CFAP54: variants seen among roughly 807,000 people sequenced by gnomAD.
CFAP54 encodes the protein cilia and flagella associated protein 54, also known as cilia- and flagella-associated protein 54.
Under a neutral mutation model 370.4 loss-of-function variants are expected in CFAP54, and 290 were observed. The ratio of observed to expected loss-of-function variants is 0.78; its 90% CI spans 0.71 to 0.86. The LOEUF (loss-of-function observed/expected upper bound fraction) is 0.86. Ranked by LOEUF, CFAP54 falls within the 40% of genes least tolerant of loss-of-function variation. The pLI is 0.00. For missense variants in CFAP54, 3,399 were observed against 3,528.7 expected (o/e 0.96, Z 0.93); for synonymous variants, 1,206 against 1,236.5 (o/e 0.98, Z 0.52).
intron 49 of CFAP54, among the ~76,000 whole-genome samples, chr12:96,718,952 C>T (rs113739012): frequency 1.3e-5 from 2 of 151,818 alleles, no homozygotes; most frequent in African/African-American, 2.4e-5. Context: ...GCAGGAGAAT[C>T]GCTTGAACCC....
At chr12:96,549,682 C>T (rs1955675044) in intron 15 of CFAP54, among the ~76,000 whole-genome samples, 1 of 152,088 alleles carries the variant, frequency 6.6e-6, no homozygotes, top group African/African-American at 2.4e-5. Context: ...TATAAGTGTC[C>T]TCATCTGGAA....
chr12:96,851,765 C>A (rs1307168239), intron 66 of CFAP54, among the ~76,000 whole-genome samples: 1 of 151,994 alleles, frequency 6.6e-6, no homozygotes, highest in Non-Finnish European at 1.5e-5. Context: ...GACAACTTTT[C>A]TATACTATTC....
intron 56 of CFAP54, among the ~76,000 whole-genome samples, chr12:96,755,660 T>G (rs996170662): frequency 3.3e-4 from 18 of 53,794 alleles, no homozygotes; most frequent in African/African-American, 2.1e-3. Context: ...TTTCTTTTCT[T>G]TTTTCCTTTT....
chr12:96,850,203 A>G (rs1959496977), intron 66 of CFAP54, among the ~76,000 whole-genome samples: 1 of 144,368 alleles, frequency 6.9e-6, no homozygotes, highest in Admixed American at 7.0e-5. Context: ...ACATGGTGAA[A>G]CCCTGTCTCT....
At chr12:96,538,823 C>G (rs1317355966) in intron 13 of CFAP54, among the ~76,000 whole-genome samples, 1 of 151,576 alleles carries the variant, frequency 6.6e-6, no homozygotes, top group Non-Finnish European at 1.5e-5. Flanking sequence ...ATGATCTTGG[C>G]TCACTGCAAC....
At chr12:96,567,330 T>G (rs993813637) in intron 19 of CFAP54, among the ~76,000 whole-genome samples, 10 of 152,160 alleles carry the variant, frequency 6.6e-5, no homozygotes, top group African/African-American at 2.4e-4. Flanking sequence ...TCATAAGAAG[T>G]ATTTTTCGCC....
chr12:96,675,668 G>A (rs1219844514), intron 39 of CFAP54, among the ~76,000 whole-genome samples: 1 of 152,150 alleles, frequency 6.6e-6, no homozygotes, highest in African/African-American at 2.4e-5. Flanking sequence ...ATTCACAATA[G>A]CAAAGACTTG....
At chr12:96,611,280 C>G (rs1310049479) in intron 26 of CFAP54, among the ~76,000 whole-genome samples, 1 of 152,250 alleles carries the variant, frequency 6.6e-6, no homozygotes, top group African/African-American at 2.4e-5. Flanking sequence ...CAAACAGCGT[C>G]TGGAGTGGAC....
At chr12:96,616,528 G>GA (rs375273634) in intron 26 of CFAP54, among the ~76,000 whole-genome samples, 1 of 151,966 alleles carries the variant, frequency 6.6e-6, no homozygotes, top group Non-Finnish European at 1.5e-5. Flanking sequence ...AAGATAAACA[G>GA]AAAAAGATAA....
chr12:96,842,477 G>A (rs183881783), intron 66 of CFAP54, among the ~76,000 whole-genome samples: 6 of 152,100 alleles, frequency 3.9e-5, no homozygotes, highest in Admixed American at 3.9e-4. Flanking sequence ...CTCCATATTG[G>A]CAGTTTTGTC....
intron 26 of CFAP54, among the ~76,000 whole-genome samples, chr12:96,616,730 A>G (rs1236419091): frequency 6.6e-6 from 1 of 152,200 alleles, no homozygotes; most frequent in Non-Finnish European, 1.5e-5. Flanking sequence ...TTTATCATGG[A>G]GGATATAATG....
intron 17 of CFAP54, among the ~76,000 whole-genome samples, chr12:96,563,359 A>G (rs1253256651): frequency 6.6e-6 from 1 of 152,158 alleles, no homozygotes; most frequent in Admixed American, 6.6e-5. Flanking sequence ...TTTCTTTAGC[A>G]TGCTGTTGCC....
At chr12:96,506,589 C>CTTTT (rs71068809) in intron 3 of CFAP54, among the ~76,000 whole-genome samples, 2 of 130,888 alleles carry the variant, frequency 1.5e-5, no homozygotes, top group African/African-American at 2.9e-5. Context: ...CTTTTCTTTT[C>CTTTT]TTTTTTTTTT....
At chr12:96,551,342 G>T (rs1955691902) in intron 15 of CFAP54, among the ~76,000 whole-genome samples, 1 of 152,166 alleles carries the variant, frequency 6.6e-6, no homozygotes, top group African/African-American at 2.4e-5. Flanking sequence ...AACTTGGGTA[G>T]TGAGAAGAGG....
intron 26 of CFAP54, among the ~76,000 whole-genome samples, chr12:96,608,217 T>G (rs1031306701): frequency 1.3e-5 from 2 of 152,068 alleles, no homozygotes; most frequent in African/African-American, 2.4e-5. Flanking sequence ...AACCTTGACC[T>G]AAAACTTCCA....
At position 96,718,580 on chromosome 12, in the gene CFAP54, C is replaced by A. The variant is rs1193167520; in HGVS notation, c.6804+58C>A. On this transcript the variant is annotated intron_variant, in intron 49 of 67. Transcript: ENST00000524981. Reference sequence around the variant, plus strand: ...TAGTTACCAAAAATCCACTATTAGGCCCTGGATGGGCCTGCTTTCAGAGTT... The same window carrying A: ...TAGTTACCAAAAATCCACTATTAGGACCTGGATGGGCCTGCTTTCAGAGTT... The A allele has an allele frequency of 3.9e-6, 4 of 1,026,414 alleles. No homozygotes were observed. In the African/African-American group the frequency reaches 4.8e-5, roughly 12 times the overall value. The allele number at this position is 1,026,414 out of a possible 1,614,324, so 63.6% of individuals were successfully genotyped here. A position where few individuals can be genotyped will look rare whatever the true frequency, so the allele number is the denominator to read the frequency against.
chr12:96,856,189 C>T (rs930884534), intron 66 of CFAP54, among the ~76,000 whole-genome samples: 12 of 152,152 alleles, frequency 7.9e-5, no homozygotes, highest in African/African-American at 2.2e-4. Flanking sequence ...ATCCTGGACC[C>T]GGCCCCTGAA....
intron 19 of CFAP54, chr12:96,573,146 C>G: frequency 1.2e-5 from 8 of 667,488 alleles, no homozygotes; most frequent in Non-Finnish European, 1.5e-5. Context: ...GGATATGTCT[C>G]CAAATTTCCA....
At chr12:96,579,363 G>A (rs943037201) in intron 20 of CFAP54, among the ~76,000 whole-genome samples, 3 of 152,130 alleles carry the variant, frequency 2.0e-5, no homozygotes, top group Admixed American at 2.0e-4. Flanking sequence ...ATTCATTGAA[G>A]CTAGACAGGC....
Sources: allele counts gnomAD v4.1 joint callset (sites outside exome capture counted in the v4.1 genomes callset), GRCh38; gene constraint gnomAD v4.1.1; transcripts MANE v1.5; gene names NCBI Gene and HGNC (gene_info 2026-07-23, HGNC 2026-07-21).